Variants in LRMDA observed in about 807,000 individuals in gnomAD.
The protein encoded by LRMDA is leucine rich melanocyte differentiation associated.
LRMDA carries 18 observed loss-of-function variants against 29.8 expected under a neutral mutation model. That is an observed-to-expected ratio of 0.60 (90% confidence interval 0.42 to 0.90). The LOEUF (loss-of-function observed/expected upper bound fraction) is 0.90. LRMDA is among the 40% of genes least tolerant of loss of function. The pLI is 0.00. For synonymous variants in LRMDA, 125 were observed against 109.4 expected, an observed-to-expected ratio of 1.14 and a Z score of -0.89; for missense variants, 273 against 273.9, an observed-to-expected ratio of 1.00 and a Z score of 0.02.
At chr10:75,888,710 T>C (rs1845432569) in intron 2 of LRMDA, among the ~76,000 whole-genome samples, 1 of 152,210 alleles carries the variant, frequency 6.6e-6, no homozygotes, top group African/African-American at 2.4e-5. Context: ...TTCTGCATGA[T>C]GACAGAGGAG....
chr10:76,064,819 T>C (rs1848757539), intron 5 of LRMDA, among the ~76,000 whole-genome samples: 1 of 152,236 alleles, frequency 6.6e-6, no homozygotes, highest in Non-Finnish European at 1.5e-5. Flanking sequence ...CATCAGCCAA[T>C]ATATTTTGAA....
intron 2 of LRMDA, among the ~76,000 whole-genome samples, chr10:75,606,719 A>T (rs373760689): frequency 6.6e-6 from 1 of 152,210 alleles, no homozygotes; most frequent in South Asian, 2.1e-4. Flanking sequence ...GTCTCTTTAT[A>T]TTGGGAAAAT....
intron 5 of LRMDA, among the ~76,000 whole-genome samples, chr10:76,078,937 C>T (rs1419496420): frequency 1.3e-5 from 2 of 152,208 alleles, no homozygotes; most frequent in African/African-American, 2.4e-5. Flanking sequence ...AACACCAAGC[C>T]TCAGTTTTTC....
intron 5 of LRMDA, among the ~76,000 whole-genome samples, chr10:76,305,851 G>A (rs766372729): frequency 2.0e-5 from 3 of 152,078 alleles, no homozygotes; most frequent in Admixed American, 1.3e-4. Flanking sequence ...CCTCTTTCAA[G>A]AACGGCTCTG....
intron 2 of LRMDA, among the ~76,000 whole-genome samples, chr10:75,913,871 A>G (rs11816174): frequency 0.31 from 47,428 of 152,060 alleles, 8,022 homozygotes; most frequent in South Asian, 0.5. Flanking sequence ...GCAGGCTCCC[A>G]TTTGCTTATT....
chr10:76,358,265 T>G (rs1841267133), intron 6 of LRMDA, among the ~76,000 whole-genome samples: 1 of 152,214 alleles, frequency 6.6e-6, no homozygotes, highest in Admixed American at 6.5e-5. Flanking sequence ...TTCACCTGCT[T>G]TATGTTCTTT....
At chr10:76,159,154 G>A (rs1038283027) in intron 5 of LRMDA, among the ~76,000 whole-genome samples, 2 of 152,112 alleles carry the variant, frequency 1.3e-5, no homozygotes, top group Non-Finnish European at 2.9e-5. Context: ...ACCTTAAAGT[G>A]ATTATGCTGA....
chr10:76,154,767 A>G lies in LRMDA; in HGVS notation c.516+95984A>G, dbSNP rs576677626. ...TAGAACTTCATACCTCTCTCATGGCATGGTCCGGACATTAGCAAGGCGGGA... is the reference window on the plus strand; with the variant it reads ...TAGAACTTCATACCTCTCTCATGGCGTGGTCCGGACATTAGCAAGGCGGGA... On this transcript the variant is annotated intron_variant, in intron 5 of 6. Coordinates refer to ENST00000611255, the MANE Select transcript of LRMDA (RefSeq NM_001305581.2). 1.4e-3 allele frequency among the ~76,000 whole-genome samples: 217 copies of G among 152,304 alleles called. 1 individual carries two copies. The highest frequency in any genetic ancestry group is 2.4e-3 in the Non-Finnish European group (164 of 68,014).
chr10:75,871,080 T>C (rs1238189895), intron 2 of LRMDA, among the ~76,000 whole-genome samples: 1 of 152,192 alleles, frequency 6.6e-6, no homozygotes, highest in Non-Finnish European at 1.5e-5. Flanking sequence ...CTCTTTCTTA[T>C]CTTTCTCTTT....
At chr10:75,967,196 T>C (rs1846877514) in intron 2 of LRMDA, among the ~76,000 whole-genome samples, 1 of 152,236 alleles carries the variant, frequency 6.6e-6, no homozygotes, top group African/African-American at 2.4e-5. Context: ...TTTTCCAGCC[T>C]CAGGCATTTT....
chr10:75,844,951 C>T (rs1473931085), intron 2 of LRMDA, among the ~76,000 whole-genome samples: 1 of 152,136 alleles, frequency 6.6e-6, no homozygotes, highest in Non-Finnish European at 1.5e-5. Flanking sequence ...TTATTTGTTC[C>T]TTCCAGCATT....
intron 5 of LRMDA, among the ~76,000 whole-genome samples, chr10:76,252,966 A>G (rs561596307): frequency 6.6e-6 from 1 of 152,332 alleles, no homozygotes; most frequent in South Asian, 2.1e-4. Context: ...TTCATCCCGC[A>G]TCCCACCCAG....
rs531877269 is a variant in LRMDA at position 76,558,738 on chromosome 10, A to T, written c.*1450A>T. ...CAGAATCCCTAAGCTGCCCAAGGAG[A>T]ACCTACTTTCTCAGCTCTAGCCCGT... On this transcript the variant is annotated 3_prime_UTR_variant, in exon 7 of 7. Transcript: ENST00000611255. 5.9e-5 allele frequency: 9 copies of T among 152,250 alleles called. No individual in the cohort carries two copies. Among genetic ancestry groups the T allele is most frequent in the African/African-American group, 2.2e-4 (9 of 41,542 alleles). 9.4% of individuals were successfully genotyped at this position (152,250 alleles called of 1,614,324 possible).
intron 2 of LRMDA, among the ~76,000 whole-genome samples, chr10:75,619,909 AGCACAGT>A (rs905160332): frequency 6.6e-5 from 10 of 152,220 alleles, no homozygotes; most frequent in African/African-American, 2.4e-4. Context: ...TCAAGGGCCT[AGCACAGT>A]GCATTCAGTC....
At chr10:76,265,977 A>G (rs572347761) in intron 5 of LRMDA, among the ~76,000 whole-genome samples, 1 of 152,284 alleles carries the variant, frequency 6.6e-6, no homozygotes, top group South Asian at 2.1e-4. Flanking sequence ...GGATGATTGC[A>G]TAGCTGTTAA....
chr10:76,063,573 T>C (rs184116849), intron 5 of LRMDA, among the ~76,000 whole-genome samples: 1 of 152,204 alleles, frequency 6.6e-6, no homozygotes, highest in African/African-American at 2.4e-5. Context: ...TGTATGTGTG[T>C]GTGTGCATGT....
At chr10:76,479,787 T>A (rs1842717831) in intron 6 of LRMDA, among the ~76,000 whole-genome samples, 1 of 151,880 alleles carries the variant, frequency 6.6e-6, no homozygotes, top group Non-Finnish European at 1.5e-5. Context: ...AGTTCCTCAT[T>A]TTTTTTCCTG....
Position 76,071,854 on chromosome 10 carries a change from G to A in LRMDA, c.516+13071G>A, listed in dbSNP as rs912835246. On this transcript the variant is annotated intron_variant, in intron 5 of 6. Transcript: ENST00000611255. ...TCACGTCAAAAATGAATTTGACCAT[G>A]ATTTAAACTGCTACTTTTCTTACAT... 6.6e-5 allele frequency among the ~76,000 whole-genome samples: 10 copies of A among 152,350 alleles called. No homozygotes were observed. In the South Asian group the frequency reaches 1.0e-3, roughly 16 times the overall value.
intron 6 of LRMDA, among the ~76,000 whole-genome samples, chr10:76,466,481 T>A (rs11001789): frequency 0.28 from 42,894 of 152,070 alleles, 6,709 homozygotes; most frequent in Non-Finnish European, 0.36. Context: ...GATGGATTTT[T>A]ACTAAGACAC....
Sources: allele counts gnomAD v4.1 joint callset (sites outside exome capture counted in the v4.1 genomes callset), GRCh38; gene constraint gnomAD v4.1.1; transcripts MANE v1.5; gene names NCBI Gene and HGNC (gene_info 2026-07-23, HGNC 2026-07-21).